The following MAP3K20 variants were observed in gnomAD, a reference collection of about 807,000 sequenced individuals.
MAP3K20 encodes the protein mitogen-activated protein kinase kinase kinase 20.
MAP3K20 carries 40 observed loss-of-function variants against 85.7 expected under a neutral mutation model. The ratio of observed to expected loss-of-function variants is 0.47; its 90% confidence interval spans 0.36 to 0.61. The LOEUF is 0.61. MAP3K20 is among the 20% of genes least tolerant of loss of function. MAP3K20 has a pLI of 0.00. For synonymous variants in MAP3K20, 325 were observed against 327.7 expected (o/e 0.99, Z 0.09); for missense variants, 817 against 961.7 (o/e 0.85, Z 1.99).
intron 2 of MAP3K20, among the ~76,000 whole-genome samples, chr2:173,162,120 A>G (rs535363937): frequency 1.2e-3 from 187 of 150,880 alleles, no homozygotes; most frequent in Non-Finnish European, 2.2e-3. Flanking sequence ...TTAGAAATAG[A>G]TGACCACAAT....
intron 2 of MAP3K20, among the ~76,000 whole-genome samples, chr2:173,121,339 G>A (rs1688280279): frequency 6.6e-6 from 1 of 152,162 alleles, no homozygotes; most frequent in African/African-American, 2.4e-5. Flanking sequence ...AAGGCATTCC[G>A]TGAGGCAACT....
chr2:173,190,064 C>T (rs1690602448), intron 5 of MAP3K20, among the ~76,000 whole-genome samples: 2 of 152,146 alleles, frequency 1.3e-5, no homozygotes, highest in Non-Finnish European at 2.9e-5. Context: ...CTTGACCTGG[C>T]ACCTACCTTC....
intron 9 of MAP3K20, chr2:173,209,523 G>A (rs551509931): frequency 2.3e-6 from 1 of 429,720 alleles, no homozygotes; most frequent in Non-Finnish European, 4.1e-6. Context: ...ATCTCTCCTT[G>A]TGAATAGTTC....
chr2:173,126,688 T>C (rs1283964031), intron 2 of MAP3K20, among the ~76,000 whole-genome samples: 1 of 152,214 alleles, frequency 6.6e-6, no homozygotes, highest in Non-Finnish European at 1.5e-5. Context: ...CTGATGAATG[T>C]TTCTTTACAA....
intron 2 of MAP3K20, among the ~76,000 whole-genome samples, chr2:173,093,543 T>G (rs1008086995): frequency 5.3e-5 from 8 of 152,174 alleles, no homozygotes; most frequent in Non-Finnish European, 8.8e-5. Flanking sequence ...TTTCTCTGTT[T>G]TAGTGGGTAT....
rs775376620 is a variant in MAP3K20 at position 173,187,593 on chromosome 2, G to T, written c.385G>T (p.Val129Leu). ...HYLHMEAPVK[V>L]IHRDLKSRNV... The stretch of plus-strand genomic sequence containing the variant: ...TTTACATATGGAGGCTCCTGTCAAG[G>T]TGATTCACAGAGACCTCAAGTCAAG... The change falls in exon 5 of 20, where the codon GTG (valine) becomes TTG (leucine). Residue 129 changes from valine to leucine, a missense_variant. Val to Leu is a conservative substitution (Grantham distance 32). Around this residue, in one of 4 missense-constraint regions of MAP3K20, gnomAD observed 200 missense variants for 302.7 expected, o/e 0.66. Coordinates refer to ENST00000375213, the MANE Select transcript of MAP3K20 (RefSeq NM_016653.3). 1 of 1,608,758 alleles carries T rather than the reference G, an allele frequency of 6.2e-7. No individual in the cohort carries two copies. Among genetic ancestry groups the T allele is most frequent in the Admixed American group, 1.7e-5 (1 of 58,906 alleles).
chr2:173,125,789 AGTAGCTGG>A (rs1471798826), intron 2 of MAP3K20, among the ~76,000 whole-genome samples: 1 of 151,974 alleles, frequency 6.6e-6, no homozygotes, highest in South Asian at 2.1e-4. Context: ...CAGTCTCCTG[AGTAGCTGG>A]GACTAAAGAT....
chr2:173,159,380 T>TTC (rs1181441738), intron 2 of MAP3K20, among the ~76,000 whole-genome samples: 6 of 96,734 alleles, frequency 6.2e-5, no homozygotes, highest in Non-Finnish European at 1.2e-4. Flanking sequence ...CCTTTCCTTT[T>TTC]CTTTTCTTTC....
At chr2:173,234,528 G>T (rs1361493685) in intron 14 of MAP3K20, among the ~76,000 whole-genome samples, 1 of 152,222 alleles carries the variant, frequency 6.6e-6, no homozygotes, top group African/African-American at 2.4e-5. Flanking sequence ...CATGGTGGGA[G>T]ATGGAGAGGG....
chr2:173,243,905 C>T (rs1574151923), intron 16 of MAP3K20, among the ~76,000 whole-genome samples: 1 of 152,146 alleles, frequency 6.6e-6, no homozygotes, highest in Non-Finnish European at 1.5e-5. Context: ...GGATTACAGG[C>T]GTGAGTCACT....
At chr2:173,193,788 C>A (rs1349881743) in intron 7 of MAP3K20, among the ~76,000 whole-genome samples, 1 of 152,180 alleles carries the variant, frequency 6.6e-6, no homozygotes, top group Non-Finnish European at 1.5e-5. Context: ...AGTAGAAGGG[C>A]TTGAACACGT....
intron 2 of MAP3K20, among the ~76,000 whole-genome samples, chr2:173,153,876 T>C (rs1689376712): frequency 6.6e-6 from 1 of 152,242 alleles, no homozygotes; most frequent in Admixed American, 6.5e-5. Flanking sequence ...TTTTTACTTG[T>C]ATTATTTTTT....
At chr2:173,205,390 G>A in intron 9 of MAP3K20, among the ~76,000 whole-genome samples, 1 of 152,022 alleles carries the variant, frequency 6.6e-6, no homozygotes, top group Non-Finnish European at 1.5e-5. Flanking sequence ...TTTCTTTAAT[G>A]GGAATAACTA....
chr2:173,158,804 G>C (rs543702996), intron 2 of MAP3K20, among the ~76,000 whole-genome samples: 2 of 152,196 alleles, frequency 1.3e-5, no homozygotes, highest in Admixed American at 1.3e-4. Flanking sequence ...TGAGTCTCAG[G>C]TTAAATAACT....
intron 8 of MAP3K20, among the ~76,000 whole-genome samples, chr2:173,201,720 T>C (rs1005256081): frequency 7.2e-5 from 11 of 152,180 alleles, no homozygotes; most frequent in African/African-American, 2.7e-4. Context: ...CAGAATGTTT[T>C]CATGTATTAG....
In MAP3K20 at chr2:173,182,872, C is replaced by T; in HGVS notation, c.266C>T (p.Ser89Leu). The T allele has an allele frequency of 1.3e-6, 2 of 1,595,782 alleles. No homozygotes were observed. Among genetic ancestry groups the T allele is most frequent in the Non-Finnish European group, 1.7e-6 (2 of 1,173,112 alleles). ...GIVTEYASLG[S>L]LYDYINSNRS... ...AAAATAGAATATGCTTCTCTGGGAT[C>T]ACTCTATGATTACATTAACAGTAAC... The change falls in exon 4 of 20, where the codon TCA becomes TTA. Residue 89 changes from serine to leucine, a missense_variant. Physicochemically the swap from Ser to Leu is moderately radical, Grantham distance 145. Transcript: ENST00000375213.
intron 11 of MAP3K20, among the ~76,000 whole-genome samples, chr2:173,219,851 G>A (rs1261389632): frequency 4.6e-5 from 7 of 151,964 alleles, no homozygotes; most frequent in Non-Finnish European, 8.8e-5. Context: ...GGTGGATCAC[G>A]AGGTCAGGCG....
At chr2:173,259,121 C>T (rs542273344) in intron 17 of MAP3K20, among the ~76,000 whole-genome samples, 42 of 152,046 alleles carry the variant, frequency 2.8e-4, no homozygotes, top group African/African-American at 8.4e-4. Flanking sequence ...AAAATGTGAA[C>T]GATGAAAATA....
chr2:173,157,370 A>G (rs1159848092), intron 2 of MAP3K20, among the ~76,000 whole-genome samples: 1 of 149,370 alleles, frequency 6.7e-6, no homozygotes, highest in East Asian at 2.0e-4. Context: ...TCTGCCAGCT[A>G]TCACCCATAT....
Sources: allele counts gnomAD v4.1 joint callset (sites outside exome capture counted in the v4.1 genomes callset), GRCh38; gene constraint gnomAD v4.1.1; regional missense constraint gnomAD v4.1.1; transcripts MANE v1.5; gene names NCBI Gene and HGNC (gene_info 2026-07-23, HGNC 2026-07-21).